ULK4: variants seen among roughly 807,000 people sequenced by gnomAD.
ULK4 encodes the protein inactive serine/threonine-protein kinase ULK4.
Under a neutral mutation model 160.6 loss-of-function variants are expected in ULK4, and 133 were observed. That is an observed-to-expected ratio of 0.83 (90% confidence interval 0.72 to 0.96). The LOEUF is 0.96. Ranked by LOEUF, ULK4 falls within the 40% of genes least tolerant of loss-of-function variation. ULK4 has a pLI of 0.00. For synonymous variants in ULK4, 534 were observed against 539.8 expected, an observed-to-expected ratio of 0.99 and a Z score of 0.15; for missense variants, 1,580 against 1,499.5, an observed-to-expected ratio of 1.05 and a Z score of -0.89.
intron 35 of ULK4, among the ~76,000 whole-genome samples, chr3:41,272,343 G>GTTTTTTTT (rs3038324): frequency 4.2e-5 from 4 of 95,476 alleles, no homozygotes; most frequent in Admixed American, 1.2e-4. Flanking sequence ...AATTTTGAAA[G>GTTTTTTTT]TTTTTTTTTT....
At chr3:41,537,012 T>C (rs1229198721) in intron 32 of ULK4, among the ~76,000 whole-genome samples, 2 of 152,224 alleles carry the variant, frequency 1.3e-5, no homozygotes, top group Admixed American at 6.5e-5. Context: ...TACTGTCAGA[T>C]TGTTTAATGT....
intron 35 of ULK4, among the ~76,000 whole-genome samples, chr3:41,281,242 A>T (rs2079346700): frequency 6.6e-6 from 1 of 152,242 alleles, no homozygotes; most frequent in African/African-American, 2.4e-5. Flanking sequence ...AGCTGGTACC[A>T]TTCCTTCTGA....
intron 18 of ULK4, among the ~76,000 whole-genome samples, chr3:41,827,762 CA>C (rs1204832080): frequency 1.3e-5 from 2 of 151,988 alleles, no homozygotes; most frequent in African/African-American, 4.8e-5. Context: ...CTATTCCAAT[CA>C]ATAGAAAAAG....
intron 27 of ULK4, among the ~76,000 whole-genome samples, chr3:41,684,249 C>A (rs1022998190): frequency 2.0e-5 from 3 of 152,202 alleles, no homozygotes; most frequent in African/African-American, 7.2e-5. Context: ...TTAAGGATTT[C>A]TTACCAGCCA....
chr3:41,326,880 A>G (rs541159442), intron 35 of ULK4, among the ~76,000 whole-genome samples: 2 of 152,310 alleles, frequency 1.3e-5, no homozygotes, highest in East Asian at 3.9e-4. Context: ...CAGCAGCCAG[A>G]TTCCCTTTTC....
In ULK4 at chr3:41,321,497, C is replaced by T. The variant is rs144012129; in HGVS notation, c.3679-71923G>A. ...GTTACAGTAGGTAGTCAGACATGAG[C>T]AGGGCAGGAGACTCCCCACACCACC... On this transcript the variant is annotated intron_variant, in intron 35 of 36. Transcript: ENST00000301831. Among the ~76,000 whole-genome samples, 13 of 152,150 alleles carry T rather than the reference C, an allele frequency of 8.5e-5. No individual in the cohort carries two copies. In the East Asian group the frequency reaches 2.5e-3, roughly 29 times the overall value.
chr3:41,599,694 A>G (rs1250467966), intron 31 of ULK4, among the ~76,000 whole-genome samples: 2 of 151,078 alleles, frequency 1.3e-5, no homozygotes, highest in Non-Finnish European at 2.9e-5. Context: ...CCTCCTGAAT[A>G]GCTGGGGTTA....
intron 35 of ULK4, among the ~76,000 whole-genome samples, chr3:41,348,124 G>A (rs1429362078): frequency 2.0e-5 from 3 of 146,440 alleles, no homozygotes; most frequent in Admixed American, 7.0e-5. Context: ...CAGGAGAATC[G>A]CTTGAACCTG....
chr3:41,493,769 T>TA (rs1362301537), intron 32 of ULK4, among the ~76,000 whole-genome samples: 1 of 148,436 alleles, frequency 6.7e-6, no homozygotes, highest in Non-Finnish European at 1.5e-5. Flanking sequence ...CCCACAGAAA[T>TA]ACAAACTACC....
chr3:41,805,220 T>C (rs2040603694), intron 19 of ULK4, among the ~76,000 whole-genome samples: 1 of 152,226 alleles, frequency 6.6e-6, no homozygotes, highest in Non-Finnish European at 1.5e-5. Flanking sequence ...GTTGGATTCC[T>C]AGGTATTTTA....
At chr3:41,552,676 C>G (rs1306179134) in intron 32 of ULK4, among the ~76,000 whole-genome samples, 1 of 151,592 alleles carries the variant, frequency 6.6e-6, no homozygotes, top group Non-Finnish European at 1.5e-5. Context: ...TGCCCAAAAG[C>G]TATATTGAGT....
chr3:41,515,655 G>A lies in ULK4; in HGVS notation c.3226+50370C>T, dbSNP rs189383606. On this transcript the variant is annotated intron_variant, in intron 32 of 36. Coordinates refer to ENST00000301831, the MANE Select transcript of ULK4 (RefSeq NM_017886.4). ...GGAGAGAGACGGAGTGCCAGTAGGG[G>A]AAACGCCAGATGCTTATAAAACTAT... Among the ~76,000 whole-genome samples, 17 of 152,300 alleles carry A rather than the reference G, an allele frequency of 1.1e-4. No homozygotes were observed. In the East Asian group the frequency reaches 3.3e-3, roughly 29 times the overall value.
At chr3:41,590,896 G>GA (rs960665681) in intron 31 of ULK4, among the ~76,000 whole-genome samples, 11 of 151,888 alleles carry the variant, frequency 7.2e-5, no homozygotes, top group Admixed American at 6.6e-4. Context: ...GAGGAAAGGG[G>GA]AAAAAAAGCT....
At chr3:41,642,123 C>G (rs1273649949) in intron 30 of ULK4, among the ~76,000 whole-genome samples, 3 of 152,128 alleles carry the variant, frequency 2.0e-5, no homozygotes, top group African/African-American at 7.2e-5. Context: ...ATCCGCCTGC[C>G]TAGGTCTCCC....
chr3:41,517,822 G>A (rs2085800710), intron 32 of ULK4, among the ~76,000 whole-genome samples: 1 of 152,156 alleles, frequency 6.6e-6, no homozygotes, highest in South Asian at 2.1e-4. Context: ...CCTAGTTTTT[G>A]TCATGTGTAC....
intron 35 of ULK4, among the ~76,000 whole-genome samples, chr3:41,397,637 T>A (rs947099647): frequency 6.6e-6 from 1 of 152,074 alleles, no homozygotes; most frequent in Non-Finnish European, 1.5e-5. Flanking sequence ...AAGACACATG[T>A]CTACCAAAAT....
intron 35 of ULK4, among the ~76,000 whole-genome samples, chr3:41,348,936 C>G (rs2080858180): frequency 6.6e-6 from 1 of 152,150 alleles, no homozygotes; most frequent in African/African-American, 2.4e-5. Context: ...TGTAATGTCA[C>G]TTAGAACCAG....
chr3:41,748,533 A>G (rs1024971993), intron 22 of ULK4, among the ~76,000 whole-genome samples: 1 of 152,110 alleles, frequency 6.6e-6, no homozygotes, highest in Non-Finnish European at 1.5e-5. Context: ...GATTGTTTTC[A>G]ACTTTTAAAG....
intron 32 of ULK4, among the ~76,000 whole-genome samples, chr3:41,512,582 T>C (rs1486304483): frequency 2.0e-5 from 3 of 152,066 alleles, no homozygotes; most frequent in Non-Finnish European, 2.9e-5. Context: ...GTGAAAGACC[T>C]CTACAAGGAA....
Sources: gnomAD v4.1 joint callset for allele counts (sites outside exome capture counted in the v4.1 genomes callset) on GRCh38, gnomAD v4.1.1 for gene constraint, MANE v1.5 for transcripts, NCBI Gene and HGNC (gene_info 2026-07-23, HGNC 2026-07-21) for gene names.